Variants in PDE4D observed in about 807,000 individuals in gnomAD.
The protein encoded by PDE4D is phosphodiesterase 4D.
PDE4D carries 24 observed loss-of-function variants against 87.4 expected under a neutral mutation model. The ratio of observed to expected loss-of-function variants is 0.27; its 90% confidence interval spans 0.20 to 0.39. PDE4D has a LOEUF of 0.39. PDE4D is among the 10% of genes least tolerant of loss of function. PDE4D has a pLI of 1.00. For synonymous variants in PDE4D, 384 were observed against 383.2 expected (o/e 1.00, Z -0.02); for missense variants, 714 against 1,041.0 (o/e 0.69, Z 4.32).
intron 1 of PDE4D, among the ~76,000 whole-genome samples, chr5:59,341,236 G>A (rs1191916594): frequency 6.6e-6 from 1 of 152,066 alleles, no homozygotes; most frequent in African/African-American, 2.4e-5. Flanking sequence ...GTGTTTATCA[G>A]TTCAGAGTTA....
chr5:59,127,141 T>A (rs763497300), intron 5 of PDE4D, among the ~76,000 whole-genome samples: 9 of 152,180 alleles, frequency 5.9e-5, no homozygotes, highest in Non-Finnish European at 1.0e-4. Context: ...AACTTTGCCA[T>A]TTTCTCAGGC....
intron 5 of PDE4D, among the ~76,000 whole-genome samples, chr5:59,128,681 G>C (rs1001034193): frequency 6.6e-6 from 1 of 152,178 alleles, no homozygotes; most frequent in African/African-American, 2.4e-5. Flanking sequence ...AAACACATCA[G>C]AATTGTCTTG....
chr5:59,153,665 C>A (rs962346970), intron 5 of PDE4D, among the ~76,000 whole-genome samples: 1 of 152,074 alleles, frequency 6.6e-6, no homozygotes, highest in Non-Finnish European at 1.5e-5. Flanking sequence ...CTATTGAACA[C>A]AGGTAAGTTG....
chr5:59,322,909 C>T (rs577593289), intron 1 of PDE4D, among the ~76,000 whole-genome samples: 1 of 152,092 alleles, frequency 6.6e-6, no homozygotes, highest in African/African-American at 2.4e-5. Flanking sequence ...GGACTATGAG[C>T]AAGAAGCAAA....
intron 1 of PDE4D, among the ~76,000 whole-genome samples, chr5:59,783,148 T>C (rs1338151829): frequency 1.3e-5 from 2 of 152,318 alleles, no homozygotes; most frequent in Admixed American, 6.5e-5. Context: ...GAAGGCCTGG[T>C]TTTGGTATTC....
At chr5:59,280,946 G>T (rs1044886533) in intron 1 of PDE4D, among the ~76,000 whole-genome samples, 1 of 152,024 alleles carries the variant, frequency 6.6e-6, no homozygotes, top group Non-Finnish European at 1.5e-5. Flanking sequence ...GACGCTGAAG[G>T]TCTTACTGAC....
At chr5:59,401,435 T>C (rs1790599684) in intron 1 of PDE4D, among the ~76,000 whole-genome samples, 2 of 148,974 alleles carry the variant, frequency 1.3e-5, no homozygotes, top group African/African-American at 2.5e-5. Flanking sequence ...CTAATACATA[T>C]ATTAGAGACT....
chr5:59,469,320 T>G lies in PDE4D; in HGVS notation c.456-253352A>C, dbSNP rs568726715. On this transcript the variant is annotated intron_variant, in intron 1 of 14. Coordinates refer to ENST00000340635, the MANE Select transcript of PDE4D (RefSeq NM_001104631.2). ...TCCAGCCTGGTTGACAGAGTGAGAC[T>G]CCATCTCAAAAAACAAACAAACAAA... Among the ~76,000 whole-genome samples, 10 of 151,950 alleles carry G rather than the reference T, an allele frequency of 6.6e-5. No homozygotes were observed. The East Asian group carries it at 1.7e-3, about 26-fold the overall frequency.
chr5:59,163,177 C>T (rs1407785174), intron 5 of PDE4D, among the ~76,000 whole-genome samples: 1 of 151,344 alleles, frequency 6.6e-6, no homozygotes, highest in African/African-American at 2.4e-5. Flanking sequence ...AACTCCTGGC[C>T]TCAATCGATC....
At chr5:60,174,862 A>G (rs1663450761) in intron 2 of PDE4D, among the ~76,000 whole-genome samples, 1 of 151,940 alleles carries the variant, frequency 6.6e-6, no homozygotes, top group African/African-American at 2.4e-5. Context: ...GTTGATTTTT[A>G]GCAATTTCAA....
chr5:59,586,056 CCATTCT>C (rs889643286), intron 1 of PDE4D, among the ~76,000 whole-genome samples: 4 of 152,172 alleles, frequency 2.6e-5, no homozygotes, highest in African/African-American at 9.6e-5. Flanking sequence ...TAAATTGTTG[CCATTCT>C]CAAAGTTTTT....
intron 1 of PDE4D, among the ~76,000 whole-genome samples, chr5:59,510,956 A>G (rs1159520234): frequency 6.6e-6 from 1 of 151,982 alleles, no homozygotes; most frequent in Non-Finnish European, 1.5e-5. Context: ...TTAATTAGAG[A>G]AAAATAGAAT....
chr5:60,285,251 C>A (rs1333498101), intron 1 of PDE4D, among the ~76,000 whole-genome samples: 1 of 151,940 alleles, frequency 6.6e-6, no homozygotes. Context: ...GGATTCCTGG[C>A]AAACATGCAC....
At chr5:59,720,303 G>A (rs1755646990) in intron 1 of PDE4D, among the ~76,000 whole-genome samples, 4 of 152,060 alleles carry the variant, frequency 2.6e-5, no homozygotes, top group Admixed American at 2.6e-4. Context: ...CCAGGTATGT[G>A]CTATCATGCC....
intron 1 of PDE4D, among the ~76,000 whole-genome samples, chr5:60,480,549 C>T (rs1430094636): frequency 1.3e-5 from 2 of 148,928 alleles, no homozygotes; most frequent in Non-Finnish European, 2.9e-5. Context: ...GGATCTGAAC[C>T]CAGGCAGTCT....
chr5:60,353,796 T>C (rs1034417110), intron 1 of PDE4D, among the ~76,000 whole-genome samples: 2 of 152,214 alleles, frequency 1.3e-5, no homozygotes, highest in African/African-American at 4.8e-5. Flanking sequence ...AAATACTTTA[T>C]ATGCATACAA....
chr5:60,481,998 A>C (rs1024815436), intron 1 of PDE4D, among the ~76,000 whole-genome samples: 2 of 152,234 alleles, frequency 1.3e-5, no homozygotes, highest in Non-Finnish European at 2.9e-5. Flanking sequence ...AAAGAAAAAA[A>C]GGTATGGCAG....
intron 3 of PDE4D, among the ~76,000 whole-genome samples, chr5:59,186,231 T>C (rs182586665): frequency 6.6e-5 from 10 of 152,290 alleles, no homozygotes; most frequent in Admixed American, 1.3e-4. Flanking sequence ...GGCTCTGTTA[T>C]GTAGTAAATG....
At chr5:59,350,159 A>T (rs1780279727) in intron 1 of PDE4D, among the ~76,000 whole-genome samples, 1 of 152,166 alleles carries the variant, frequency 6.6e-6, no homozygotes, top group African/African-American at 2.4e-5. Flanking sequence ...TTACTTGGAT[A>T]AGTCTTTCTC....
Sources: gnomAD v4.1 joint callset for allele counts (sites outside exome capture counted in the v4.1 genomes callset) on GRCh38, gnomAD v4.1.1 for gene constraint, MANE v1.5 for transcripts, NCBI Gene and HGNC (gene_info 2026-07-23, HGNC 2026-07-21) for gene names.